Variants in SLC22A23 observed in about 807,000 individuals in gnomAD.
SLC22A23 encodes ion transporter protein.
A neutral mutation model predicts 61.0 loss-of-function variants in SLC22A23; 26 were observed. The observed-to-expected ratio is 0.43, with a 90% confidence interval of 0.31 to 0.59. The LOEUF is 0.59. Ranked by LOEUF, SLC22A23 falls within the 20% of genes least tolerant of loss-of-function variation. SLC22A23 has a pLI of 0.11. For synonymous variants in SLC22A23, 430 were observed against 413.9 expected (o/e 1.04, Z -0.47); for missense variants, 796 against 934.7 (o/e 0.85, Z 1.94).
chr6:3,277,292 C>A (rs934250014), intron 9 of SLC22A23, among the ~76,000 whole-genome samples: 1 of 151,970 alleles, frequency 6.6e-6, no homozygotes, highest in Non-Finnish European at 1.5e-5. Flanking sequence ...TTCTCCTCCA[C>A]CCTGGCCTTC....
At chr6:3,335,880 G>A (rs1763824971) in intron 3 of SLC22A23, among the ~76,000 whole-genome samples, 1 of 152,152 alleles carries the variant, frequency 6.6e-6, no homozygotes, top group Admixed American at 6.5e-5. Context: ...AAGAGGTTAG[G>A]AGATCGAGGC....
At position 3,297,174 on chromosome 6, in the gene SLC22A23, G is replaced by A. The variant is rs578188598; in HGVS notation, c.1210+917C>T. Among the ~76,000 whole-genome samples, 19 of 152,304 alleles carry A rather than the reference G, an allele frequency of 1.2e-4. No homozygotes were observed. Among genetic ancestry groups the A allele is most frequent in the Middle Eastern group, 3.4e-3 (1 of 294 alleles). On this transcript the variant is annotated intron_variant, in intron 5 of 9. Transcript: ENST00000406686. The surrounding 1 kb of genome is among the most constrained non-coding windows in gnomAD (Gnocchi z 4.3). ...TGTGTCTTCTCTGCTCTAGAATAGC[G>A]CCTGAAACACAGCAGGCATCTAGTA...
At chr6:3,346,871 C>T (rs1369407960) in intron 3 of SLC22A23, among the ~76,000 whole-genome samples, 1 of 152,196 alleles carries the variant, frequency 6.6e-6, no homozygotes, top group South Asian at 2.1e-4. Context: ...ACATATAACA[C>T]AGAGCATATA....
Position 3,456,073 on chromosome 6 carries a change from C to T in SLC22A23, c.487G>A (p.Ala163Thr). 1 of 1,549,876 alleles carries T rather than the reference C, an allele frequency of 6.5e-7. No individual in the cohort carries two copies. Among genetic ancestry groups the T allele is most frequent in the Non-Finnish European group, 8.7e-7 (1 of 1,146,724 alleles). Residue 163 changes from alanine to threonine, a missense_variant, in exon 1 of 10, where the codon GCC becomes ACC. Physicochemically the swap from Ala to Thr is moderately conservative, Grantham distance 58. Coordinates refer to ENST00000406686, the MANE Select transcript of SLC22A23 (RefSeq NM_015482.2). The surrounding 1 kb of genome is among the most constrained non-coding windows in gnomAD (Gnocchi z 7.1). ...TSLPTTPFAT[A>T]PWEAAGNRSN... is the part of the protein sequence containing the mutation. ...CGGTTGCCCGCAGCCTCCCAGGGGG[C>T]AGTGGCGAAGGGGGTGGTGGGGAGG...
chr6:3,289,394 A>C (rs967711691), intron 6 of SLC22A23, among the ~76,000 whole-genome samples: 2 of 152,250 alleles, frequency 1.3e-5, no homozygotes, highest in African/African-American at 4.8e-5. Context: ...GGCTACAGGC[A>C]GGGGCCAAGG....
chr6:3,396,161 T>G (rs567594894), intron 3 of SLC22A23, among the ~76,000 whole-genome samples: 5 of 152,276 alleles, frequency 3.3e-5, no homozygotes, highest in East Asian at 3.9e-4. Context: ...AGGGAAGAGC[T>G]GGGTAGAGGA....
chr6:3,319,931 T>C (rs1321632617), intron 4 of SLC22A23, among the ~76,000 whole-genome samples: 1 of 152,200 alleles, frequency 6.6e-6, no homozygotes, highest in Non-Finnish European at 1.5e-5. Flanking sequence ...GTGAATCTTC[T>C]TCTGCCCACG....
intron 1 of SLC22A23, among the ~76,000 whole-genome samples, chr6:3,417,702 C>T (rs1769823354): frequency 6.6e-6 from 1 of 152,230 alleles, no homozygotes; most frequent in South Asian, 2.1e-4. Flanking sequence ...CTGAGAACTA[C>T]TGGCCAACAC....
At chr6:3,423,775 A>C (rs555154855) in intron 1 of SLC22A23, among the ~76,000 whole-genome samples, 9 of 152,342 alleles carry the variant, frequency 5.9e-5, no homozygotes, top group Non-Finnish European at 1.3e-4. Flanking sequence ...GTGTTACTGG[A>C]GGGTATTTTC....
chr6:3,359,449 A>G (rs1765302681), intron 3 of SLC22A23, among the ~76,000 whole-genome samples: 1 of 152,228 alleles, frequency 6.6e-6, no homozygotes, highest in African/African-American at 2.4e-5. Flanking sequence ...GCTCAACGTC[A>G]CTGTCATCGG....
At chr6:3,275,135 G>A (rs1227767608) in intron 9 of SLC22A23, among the ~76,000 whole-genome samples, 1 of 152,164 alleles carries the variant, frequency 6.6e-6, no homozygotes, top group Non-Finnish European at 1.5e-5. Flanking sequence ...ATAGATCAAT[G>A]GAACAGAACT....
chr6:3,419,272 T>A (rs1423665140), intron 1 of SLC22A23, among the ~76,000 whole-genome samples: 1 of 152,130 alleles, frequency 6.6e-6, no homozygotes, highest in African/African-American at 2.4e-5. Flanking sequence ...GAACATCCCA[T>A]CCGTGCTCCA....
chr6:3,340,667 G>A (rs571879375), intron 3 of SLC22A23, among the ~76,000 whole-genome samples: 11 of 152,158 alleles, frequency 7.2e-5, no homozygotes, highest in African/African-American at 2.4e-4. Flanking sequence ...GACAATTGCC[G>A]TAGCAAATTT....
intron 3 of SLC22A23, among the ~76,000 whole-genome samples, chr6:3,338,415 C>T (rs141951316): frequency 0.01 from 1,592 of 152,348 alleles, 31 homozygotes; most frequent in African/African-American, 0.036. Flanking sequence ...CTGCAACCTC[C>T]GCCTCCCGGG....
At chr6:3,433,051 T>C (rs1014707240) in intron 1 of SLC22A23, among the ~76,000 whole-genome samples, 1 of 152,236 alleles carries the variant, frequency 6.6e-6, no homozygotes, top group Non-Finnish European at 1.5e-5. Flanking sequence ...CCTGTTTCAT[T>C]TGAGTTTCAC....
At chr6:3,362,592 G>GC (rs1765549546) in intron 3 of SLC22A23, among the ~76,000 whole-genome samples, 1 of 151,828 alleles carries the variant, frequency 6.6e-6, no homozygotes, top group Non-Finnish European at 1.5e-5. Context: ...GCACAGCAAA[G>GC]CCCCCCATCC....
intron 4 of SLC22A23, among the ~76,000 whole-genome samples, chr6:3,299,927 G>A (rs1761456412): frequency 6.6e-6 from 1 of 150,696 alleles, no homozygotes; most frequent in African/African-American, 2.4e-5. Flanking sequence ...ATTGTATCAG[G>A]AAAGTCACGA....
intron 9 of SLC22A23, among the ~76,000 whole-genome samples, chr6:3,273,635 T>C (rs1758635599): frequency 6.6e-6 from 1 of 152,216 alleles, no homozygotes; most frequent in African/African-American, 2.4e-5. Context: ...ATCAAAAGCT[T>C]TTACTTAATT....
chr6:3,273,319 C>G lies in SLC22A23; in HGVS notation c.1797G>C (p.Leu599=). The G allele has an allele frequency of 6.2e-7, 1 of 1,614,104 alleles. No individual in the cohort carries two copies. The highest frequency in any genetic ancestry group is 8.5e-7 in the Non-Finnish European group (1 of 1,179,992). ...TGCAGCAGGCAAAGATGATGTGGTG[C>G]AGGAAGTAGCCTTTCTGGTTGTGCA... ...IELHNQKGYF[L]HHIIFACCTL... is the part of the protein sequence containing the mutation. Residue 599 remains leucine (L), a synonymous_variant, in exon 10 of 10, where the codon CTG becomes CTC. Transcript: ENST00000406686.
Sources: allele counts gnomAD v4.1 joint callset (sites outside exome capture counted in the v4.1 genomes callset), GRCh38; gene constraint gnomAD v4.1.1; non-coding constraint Gnocchi (gnomAD v3.1); transcripts MANE v1.5; gene names NCBI Gene and HGNC (gene_info 2026-07-23, HGNC 2026-07-21).